SOX6: variants seen among roughly 807,000 people sequenced by gnomAD.
SOX6 encodes SRY-box transcription factor 6.
SOX6 carries 11 observed loss-of-function variants against 97.8 expected under a neutral mutation model. That is an observed-to-expected ratio of 0.11 (90% CI 0.07 to 0.19). The LOEUF (loss-of-function observed/expected upper bound fraction) is 0.19. SOX6 is among the 10% of genes least tolerant of loss of function. The probability of loss-of-function intolerance (pLI) is 1.00; values close to 1 mark genes in which losing one functional copy is unlikely to be tolerated. For missense variants in SOX6, 810 were observed against 1,039.5 expected (o/e 0.78, Z 3.04); for synonymous variants, 360 against 371.4 (o/e 0.97, Z 0.35).
chr11:16,119,919 A>G (rs1159994167), intron 6 of SOX6, among the ~76,000 whole-genome samples: 1 of 152,146 alleles, frequency 6.6e-6, no homozygotes, highest in African/African-American at 2.4e-5. Flanking sequence ...CTAGAATCCT[A>G]GCAAGAGCAA....
chr11:16,520,656 G>A (rs1426504538), intron 4 of SOX6, among the ~76,000 whole-genome samples: 3 of 152,210 alleles, frequency 2.0e-5, no homozygotes, highest in South Asian at 2.1e-4. Context: ...CAACATGTGC[G>A]AGCCGAAGCA....
intron 12 of SOX6, among the ~76,000 whole-genome samples, chr11:16,024,160 T>A (rs943318970): frequency 3.9e-5 from 6 of 152,086 alleles, no homozygotes; most frequent in African/African-American, 1.4e-4. Flanking sequence ...GGAAAGAGCA[T>A]GTGAGGACAC....
At chr11:16,721,008 T>C (rs55693322) in intron 2 of SOX6, among the ~76,000 whole-genome samples, 53,366 of 152,010 alleles carry the variant, frequency 0.35, 10,086 homozygotes, top group Non-Finnish European at 0.42. Flanking sequence ...GGAAATAGAC[T>C]GTAGCACCAA....
intron 1 of SOX6, chr11:16,402,800 C>G: frequency 1.3e-6 from 2 of 1,579,094 alleles, no homozygotes; most frequent in South Asian, 2.3e-5. Flanking sequence ...AGACAACAAC[C>G]TTTCATGTCC....
intron 2 of SOX6, among the ~76,000 whole-genome samples, chr11:16,328,028 T>A (rs1856154050): frequency 6.6e-6 from 1 of 152,190 alleles, no homozygotes; most frequent in Non-Finnish European, 1.5e-5. Context: ...TTTTCCATTT[T>A]AGTTGTAGCC....
chr11:16,401,585 G>C (rs1320437851), intron 1 of SOX6, among the ~76,000 whole-genome samples: 1 of 151,292 alleles, frequency 6.6e-6, no homozygotes, highest in African/African-American at 2.4e-5. Flanking sequence ...AAGTTGTCTT[G>C]GGCAAGTCAT....
chr11:16,579,169 C>T (rs1848008804), intron 4 of SOX6, among the ~76,000 whole-genome samples: 1 of 152,012 alleles, frequency 6.6e-6, no homozygotes, highest in African/African-American at 2.4e-5. Context: ...CATAGCAACA[C>T]TCTTAGAAAT....
chr11:16,612,199 G>A (rs1848406402), exon 4 of SOX6: 1 of 151,288 alleles, frequency 6.6e-6, no homozygotes, highest in Non-Finnish European at 1.5e-5. Flanking sequence ...CCTTCACCGC[G>A]TCTCATTACA....
At chr11:16,419,380 T>C (rs1473554638) in intron 1 of SOX6, among the ~76,000 whole-genome samples, 2 of 152,134 alleles carry the variant, frequency 1.3e-5, no homozygotes, top group Admixed American at 1.3e-4. Context: ...CCATATAAAC[T>C]AGTAAAAAAA....
At chr11:16,161,337 A>T (rs1023184520) in intron 6 of SOX6, among the ~76,000 whole-genome samples, 2 of 150,830 alleles carry the variant, frequency 1.3e-5, no homozygotes, top group African/African-American at 2.4e-5. Flanking sequence ...TATATATCAG[A>T]TATATATGTC....
At position 16,391,941 on chromosome 11, in the gene SOX6, T is replaced by A. The variant is rs553169788; in HGVS notation, c.-4-50689A>T. Among the ~76,000 whole-genome samples the A allele has an allele frequency of 5.3e-5, 8 of 151,850 alleles. No individual in the cohort carries two copies. The South Asian group carries it at 1.7e-3, about 31-fold the overall frequency. On this transcript the variant is annotated intron_variant, in intron 1 of 15. Transcript: ENST00000396356. ...ATATTTAAATACCTAAAATTTCAGT[T>A]GAGAATATTTAAATTGGAAATAACT... is the stretch of plus-strand genomic sequence containing the variant.
chr11:16,418,910 C>A (rs1401150370), intron 1 of SOX6, among the ~76,000 whole-genome samples: 1 of 152,094 alleles, frequency 6.6e-6, no homozygotes, highest in African/African-American at 2.4e-5. Flanking sequence ...CTTAAGACAG[C>A]CTCCCACTCC....
chr11:16,592,537 C>T (rs756210655), intron 4 of SOX6, among the ~76,000 whole-genome samples: 44 of 151,938 alleles, frequency 2.9e-4, no homozygotes, highest in Non-Finnish European at 4.7e-4. Flanking sequence ...ATAGACAGCT[C>T]ATTTGGGACA....
intron 4 of SOX6, among the ~76,000 whole-genome samples, chr11:16,558,680 A>T (rs756077295): frequency 1.3e-5 from 2 of 152,002 alleles, no homozygotes; most frequent in African/African-American, 4.8e-5. Context: ...TTCAACTATG[A>T]TTAGACCAAT....
At chr11:16,309,697 G>T (rs1355256683) in intron 3 of SOX6, among the ~76,000 whole-genome samples, 1 of 151,930 alleles carries the variant, frequency 6.6e-6, no homozygotes, top group Non-Finnish European at 1.5e-5. Context: ...ATAAATAAAT[G>T]TTTACATTTA....
intron 6 of SOX6, among the ~76,000 whole-genome samples, chr11:16,175,466 T>C (rs1444707350): frequency 6.6e-6 from 1 of 151,970 alleles, no homozygotes; most frequent in Non-Finnish European, 1.5e-5. Context: ...GGTAGTGGAA[T>C]TGTTATTTAA....
At chr11:16,137,229 A>G (rs1018945722) in intron 6 of SOX6, among the ~76,000 whole-genome samples, 7 of 152,084 alleles carry the variant, frequency 4.6e-5, no homozygotes, top group Admixed American at 6.6e-5. Flanking sequence ...TGAGCTCAGG[A>G]GTTTGAAATC....
chr11:16,494,339 G>A (rs1345667823), intron 4 of SOX6, among the ~76,000 whole-genome samples: 1 of 152,140 alleles, frequency 6.6e-6, no homozygotes, highest in East Asian at 1.9e-4. Context: ...TCCCGCCATT[G>A]CACTCCAGCC....
chr11:16,522,404 A>G (rs1861083432), intron 4 of SOX6, among the ~76,000 whole-genome samples: 1 of 152,190 alleles, frequency 6.6e-6, no homozygotes, highest in Admixed American at 6.5e-5. Flanking sequence ...AAGGAGAAAT[A>G]AAATCCTTTA....
Sources: allele counts gnomAD v4.1 joint callset (sites outside exome capture counted in the v4.1 genomes callset), GRCh38; gene constraint gnomAD v4.1.1; transcripts MANE v1.5; gene names NCBI Gene and HGNC (gene_info 2026-07-23, HGNC 2026-07-21).